NSMAF: variants seen among roughly 807,000 people sequenced by gnomAD.
NSMAF encodes the protein protein FAN.
A neutral mutation model predicts 134.9 loss-of-function variants in NSMAF; 90 were observed. That is an observed-to-expected ratio of 0.67 (90% CI 0.56 to 0.79). The LOEUF (loss-of-function observed/expected upper bound fraction) is 0.79, where lower values mean the gene tolerates loss of function less well. NSMAF is among the 30% of genes least tolerant of loss of function. The pLI is 0.00. For synonymous variants in NSMAF, 358 were observed against 389.6 expected (o/e 0.92, Z 0.96); for missense variants, 1,010 against 1,119.0 (o/e 0.90, Z 1.39).
chr8:58,586,372 ATTGT>A lies in NSMAF; in HGVS notation c.2446+82_2446+85del, dbSNP rs2129138630. On this transcript the variant is annotated intron_variant, in intron 28 of 30. Transcript: ENST00000038176. ...AATAGTGTTTTTCTTTGTAAGTTTT[ATTGT>A]TTATTTCAAAATTAACAATATTGTT... 3.8e-6 allele frequency: 5 copies of A among 1,322,566 alleles called. No homozygotes were observed. In the South Asian group the frequency reaches 5.1e-5, roughly 14 times the overall value. The allele number at this position is 1,322,566 out of a possible 1,614,324, so 81.9% of individuals were successfully genotyped here.
intron 9 of NSMAF, among the ~76,000 whole-genome samples, chr8:58,617,223 G>C (rs1806677905): frequency 6.6e-6 from 1 of 152,126 alleles, no homozygotes; most frequent in Non-Finnish European, 1.5e-5. Context: ...GAAAACCTAA[G>C]CAATATCATT....
rs371910886 is a variant in NSMAF, at chr8:58,605,880, CAAAAAAA to C, written c.868+40_868+46del. On this transcript the variant is annotated intron_variant, in intron 12 of 30. Transcript: ENST00000038176. ...GGGTGACAGAGCGAGACTCAGCCTC[CAAAAAAA>C]AAAAAAAAAGAAAGAAACAATGAAG... is the stretch of plus-strand genomic sequence containing the variant. The C allele has an allele frequency of 8.6e-6, 11 of 1,278,512 alleles. No homozygotes were observed. The Admixed American group carries it at 3.7e-4, about 43-fold the overall frequency. 79.2% of individuals were successfully genotyped at this position (1,278,512 alleles called of 1,614,324 possible).
intron 2 of NSMAF, 57 bp from the exon 3 acceptor site, chr8:58,635,603 T>TC: frequency 9.6e-7 from 1 of 1,041,024 alleles, no homozygotes; most frequent in Non-Finnish European, 1.4e-6. Context: ...CACAAGATAA[T>TC]CATAGTACAT....
chr8:58,615,150 G>T (rs73250333), intron 9 of NSMAF, among the ~76,000 whole-genome samples: 1 of 151,952 alleles, frequency 6.6e-6, no homozygotes, highest in Non-Finnish European at 1.5e-5. Context: ...AAGACATTAC[G>T]CATCTTAATG....
At chr8:58,611,708 A>G (rs1024293601) in intron 9 of NSMAF, among the ~76,000 whole-genome samples, 1 of 152,212 alleles carries the variant, frequency 6.6e-6, no homozygotes, top group Admixed American at 6.5e-5. Flanking sequence ...AAAACAGGTC[A>G]ATAAAAAGTG....
At chr8:58,653,262 C>G (rs1260171723) in intron 1 of NSMAF, among the ~76,000 whole-genome samples, 8 of 151,838 alleles carry the variant, frequency 5.3e-5, no homozygotes, top group Non-Finnish European at 7.4e-5. Flanking sequence ...GCAAGGGGGC[C>G]TTATTTAATC....
chr8:58,632,576 G>A (rs1002609679), intron 5 of NSMAF, among the ~76,000 whole-genome samples: 3 of 152,130 alleles, frequency 2.0e-5, no homozygotes, highest in Non-Finnish European at 2.9e-5. Flanking sequence ...TTTGGACCTT[G>A]CTTTGTTCCC....
At chr8:58,601,561 T>C (rs771933591) in intron 14 of NSMAF, 26 bp from the exon 15 acceptor site, 8 of 885,642 alleles carry the variant, frequency 9.0e-6, no homozygotes, top group East Asian at 3.1e-5. Flanking sequence ...AAAAAAAAAA[T>C]AGAGCTAAGT....
rs919994165 is a variant in NSMAF at position 58,659,223 on chromosome 8, G to C, written c.59+350C>G. ...CCCCTGCGAACGCCCGGGCTCGCGT[G>C]CCGGGATCCACGCCCGGACCCCGCG... On this transcript the variant is annotated intron_variant, in intron 1 of 30. Coordinates refer to ENST00000038176, the MANE Select transcript of NSMAF (RefSeq NM_003580.4). 6.6e-5 allele frequency: 98 copies of C among 1,475,584 alleles called. No individual in the cohort carries two copies. In the East Asian group the frequency reaches 2.5e-3, roughly 38 times the overall value. 91.4% of individuals were successfully genotyped at this position (1,475,584 alleles called of 1,614,324 possible).
rs529892487 is a variant in NSMAF at position 58,619,525 on chromosome 8, A to G, written c.557+3695T>C. Reference sequence around the variant, plus strand: ...AATAGAGACTGCAAATAATTCATAGATAAGATTTTGTAAATATAAAGAATC... The same window carrying G: ...AATAGAGACTGCAAATAATTCATAGGTAAGATTTTGTAAATATAAAGAATC... On this transcript the variant is annotated intron_variant, in intron 9 of 30. Coordinates refer to ENST00000038176, the MANE Select transcript of NSMAF (RefSeq NM_003580.4). 4.6e-5 allele frequency among the ~76,000 whole-genome samples: 7 copies of G among 152,310 alleles called. No homozygotes were observed. In the East Asian group the frequency reaches 1.2e-3, roughly 25 times the overall value.
At position 58,588,043 on chromosome 8, in the gene NSMAF, C is replaced by T. The variant is rs182869083; in HGVS notation, c.2212-342G>A. ...TGGGAAGACCAAAAAGGATGTTACC[C>T]CCAAAATAACTAAAAATAGGTACAG... On this transcript the variant is annotated intron_variant, in intron 26 of 30. Coordinates refer to ENST00000038176, the MANE Select transcript of NSMAF (RefSeq NM_003580.4). 3.2e-3 allele frequency among the ~76,000 whole-genome samples: 493 copies of T among 152,148 alleles called. 1 individual carries two copies. Among genetic ancestry groups the T allele is most frequent in the Middle Eastern group, 6.8e-3 (2 of 294 alleles).
chr8:58,615,534 A>G (rs1023545718), intron 9 of NSMAF, among the ~76,000 whole-genome samples: 5 of 152,238 alleles, frequency 3.3e-5, no homozygotes, highest in African/African-American at 1.2e-4. Flanking sequence ...TAAAATATCT[A>G]CTAAAAATTT....
intron 5 of NSMAF, 26 bp from the exon 6 acceptor site, chr8:58,631,572 A>T: frequency 7.7e-7 from 1 of 1,306,666 alleles, no homozygotes; most frequent in Non-Finnish European, 1.1e-6. Flanking sequence ...CAATACTTGT[A>T]AAATAATAAC....
rs1585722274 is a variant in NSMAF at position 58,586,446 on chromosome 8, G to A, written c.2446+12C>T. 3.1e-6 allele frequency: 5 copies of A among 1,611,004 alleles called. No homozygotes were observed. In the African/African-American group the frequency reaches 6.7e-5, roughly 22 times the overall value. ...ACCTAGTATTATCTGTTTTAAAAAG[G>A]ATAATATCTACCTGGGCTAAAAGCA... On this transcript the variant is annotated intron_variant, in intron 28 of 30. Coordinates refer to ENST00000038176, the MANE Select transcript of NSMAF (RefSeq NM_003580.4).
intron 1 of NSMAF, among the ~76,000 whole-genome samples, chr8:58,644,206 T>G (rs1271571788): frequency 6.6e-6 from 1 of 152,234 alleles, no homozygotes; most frequent in African/African-American, 2.4e-5. Context: ...TACACATATA[T>G]GTTTATTTCA....
chr8:58,597,237 T>G (rs1281719491), intron 21 of NSMAF, 150 bp downstream of exon 21: 2 of 687,290 alleles, frequency 2.9e-6, no homozygotes, highest in African/African-American at 3.6e-5. Context: ...CAAAAACAGG[T>G]ATCTGTTTTC....
chr8:58,592,318 A>C (rs1806037841), intron 23 of NSMAF, among the ~76,000 whole-genome samples: 1 of 152,204 alleles, frequency 6.6e-6, no homozygotes. Flanking sequence ...AACCAAAAAA[A>C]TGGAAAAAGA....
rs766087072 is a variant in NSMAF, at chr8:58,603,379, A to T, written c.876T>A (p.His292Gln). The T allele has an allele frequency of 6.2e-7, 1 of 1,613,692 alleles. No individual in the cohort carries two copies. Among genetic ancestry groups the T allele is most frequent in the Admixed American group, 1.7e-5 (1 of 60,020 alleles). Residue 292 changes from histidine (H) to glutamine (Q), a missense_variant, in exon 13 of 31, where the codon CAT becomes CAA. His to Gln is a conservative substitution (Grantham distance 24, BLOSUM62 0). Coordinates refer to ENST00000038176, the MANE Select transcript of NSMAF (RefSeq NM_003580.4). ...YFYIATYLEH[H>Q]VAEHTAESYM... ...AGCTCTCAGCAGTGTGCTCCGCCAC[A>T]TGGTGCTCTGGGGGAAGAGGACCCA...
At chr8:58,653,494 T>C (rs1045101352) in intron 1 of NSMAF, among the ~76,000 whole-genome samples, 3 of 151,086 alleles carry the variant, frequency 2.0e-5, no homozygotes, top group African/African-American at 7.3e-5. Flanking sequence ...CAATGGAAAA[T>C]CCCATACAAA....
Sources: gnomAD v4.1 joint callset for allele counts (sites outside exome capture counted in the v4.1 genomes callset) on GRCh38, gnomAD v4.1.1 for gene constraint, MANE v1.5 for transcripts, NCBI Gene and HGNC (gene_info 2026-07-23, HGNC 2026-07-21) for gene names.